Variants in NR1H4 observed in about 807,000 individuals in gnomAD.
NR1H4 encodes bile acid receptor.
Under a neutral mutation model 58.5 loss-of-function variants are expected in NR1H4, and 23 were observed. The observed-to-expected ratio is 0.39, with a 90% confidence interval of 0.28 to 0.56. The LOEUF is 0.56. Ranked by LOEUF, NR1H4 falls within the 20% of genes least tolerant of loss-of-function variation. The pLI, the probability that NR1H4 is intolerant of heterozygous loss-of-function variation, is 0.58. For missense variants in NR1H4, 487 were observed against 576.9 expected (o/e 0.84, Z 1.60); for synonymous variants, 214 against 198.0 (o/e 1.08, Z -0.68).
intron 9 of NR1H4, among the ~76,000 whole-genome samples, chr12:100,541,880 A>G (rs1020758049): frequency 2.0e-5 from 3 of 151,818 alleles, no homozygotes; most frequent in Admixed American, 2.0e-4. Flanking sequence ...TAAAGGCATG[A>G]GCCACCACAC....
At chr12:100,511,760 A>G (rs1271326061) in intron 4 of NR1H4, among the ~76,000 whole-genome samples, 1 of 151,958 alleles carries the variant, frequency 6.6e-6, no homozygotes, top group Non-Finnish European at 1.5e-5. Context: ...CGTCTCTACT[A>G]AAAATACAAA....
At chr12:100,548,855 C>T (rs1460955191) in intron 9 of NR1H4, among the ~76,000 whole-genome samples, 1 of 152,074 alleles carries the variant, frequency 6.6e-6, no homozygotes, top group Non-Finnish European at 1.5e-5. Flanking sequence ...ATAAAGAGTG[C>T]TTAAACAAGA....
intron 9 of NR1H4, among the ~76,000 whole-genome samples, chr12:100,559,285 T>C (rs1411317573): frequency 6.6e-6 from 1 of 152,186 alleles, no homozygotes; most frequent in Admixed American, 6.5e-5. Flanking sequence ...TGGCAGCACT[T>C]GAGGAGCCCT....
chr12:100,536,697 T>A, intron 7 of NR1H4, 87 bp downstream of exon 7: 2 of 788,286 alleles, frequency 2.5e-6, no homozygotes, highest in Non-Finnish European at 4.4e-6. Flanking sequence ...TATATGTGAA[T>A]ATGTTACTTT....
chr12:100,481,082 G>A (rs1953369748), intron 1 of NR1H4, among the ~76,000 whole-genome samples: 1 of 152,124 alleles, frequency 6.6e-6, no homozygotes, highest in Non-Finnish European at 1.5e-5. Flanking sequence ...ACATTCTGTT[G>A]GTCAACGAAT....
At chr12:100,561,423 TAAAG>T (rs1258157966) in intron 9 of NR1H4, among the ~76,000 whole-genome samples, 3 of 151,636 alleles carry the variant, frequency 2.0e-5, no homozygotes, top group Admixed American at 2.0e-4. Context: ...AATAAATAAA[TAAAG>T]AACCCTGGCC....
chr12:100,538,831 C>T (rs921349010), intron 8 of NR1H4, among the ~76,000 whole-genome samples: 6 of 152,144 alleles, frequency 3.9e-5, no homozygotes, highest in Non-Finnish European at 8.8e-5. Flanking sequence ...AGAAATTTCT[C>T]ACTATCATTG....
intron 1 of NR1H4, among the ~76,000 whole-genome samples, chr12:100,488,082 C>A (rs1006222341): frequency 3.9e-5 from 6 of 152,100 alleles, no homozygotes; most frequent in African/African-American, 1.4e-4. Flanking sequence ...GTCACTGCAA[C>A]TTCTGCCTCC....
Position 100,506,042 on chromosome 12 carries a change from C to CACAG in NR1H4, c.80-4735_80-4734insCAGA, listed in dbSNP as rs1491443606. The stretch of plus-strand genomic sequence containing the variant: ...ACACACACACACACACACACACACA[C>CACAG]AGAGAGAGAGAGAGAACATGAGCAT... On this transcript the variant is annotated intron_variant, in intron 3 of 10. Coordinates refer to ENST00000392986, the MANE Select transcript of NR1H4 (RefSeq NM_001206979.2). Among the ~76,000 whole-genome samples, 824 of 117,430 alleles carry CACAG rather than the reference C, an allele frequency of 7.0e-3. 7 individuals are homozygous for CACAG. The highest frequency in any genetic ancestry group is 0.024 in the African/African-American group (678 of 28,548). 77.0% of individuals were successfully genotyped at this position (117,430 alleles called of 152,430 possible).
rs113431969 is a variant in NR1H4, at chr12:100,510,967, G to A, written c.269G>A (p.Arg90His). The part of the protein sequence containing the change: ...WYSPGIYELR[R>H]MPAETLYQGE... Reference sequence around the variant, plus strand: ...TCTCCTGGAATATATGAACTCAGGCGTATGCCAGCTGAGACTCTCTACCAG... The same window carrying A: ...TCTCCTGGAATATATGAACTCAGGCATATGCCAGCTGAGACTCTCTACCAG... Residue 90 changes from arginine (R) to histidine (H), a missense_variant, in exon 4 of 11, where the codon CGT (arginine) becomes CAT (histidine). Transcript: ENST00000392986. 41 of 1,614,084 alleles carry A rather than the reference G, an allele frequency of 2.5e-5. 1 individual carries two copies. The highest frequency in any genetic ancestry group is 4.5e-5 in the East Asian group (2 of 44,898).
chr12:100,496,425 G>A (rs1011289434), intron 3 of NR1H4, among the ~76,000 whole-genome samples: 9 of 152,004 alleles, frequency 5.9e-5, no homozygotes, highest in African/African-American at 7.3e-5. Context: ...AGAACATTCC[G>A]GGAGGAGACA....
At chr12:100,553,362 G>C (rs536685779) in intron 9 of NR1H4, among the ~76,000 whole-genome samples, 1 of 152,282 alleles carries the variant, frequency 6.6e-6, no homozygotes, top group Admixed American at 6.5e-5. Context: ...GATATGAATT[G>C]TGATAAGTTG....
At position 100,485,697 on chromosome 12, in the gene NR1H4, TA is replaced by T. The variant is rs1330023057; in HGVS notation, c.-189-6804del. On this transcript the variant is annotated intron_variant, in intron 1 of 10. Coordinates refer to ENST00000392986, the MANE Select transcript of NR1H4 (RefSeq NM_001206979.2). ...ACAGGCATGTGTCACCACCCCCGGC[TA>T]ATTTTTTGTATTTGTAGTAGAGAAG... Among the ~76,000 whole-genome samples the T allele has an allele frequency of 7.2e-5, 11 of 152,054 alleles. No individual in the cohort carries two copies. In the South Asian group the frequency reaches 2.3e-3, roughly 32 times the overall value.
At chr12:100,503,652 A>AT (rs1410696592) in intron 3 of NR1H4, among the ~76,000 whole-genome samples, 18 of 152,150 alleles carry the variant, frequency 1.2e-4, no homozygotes, top group Non-Finnish European at 2.6e-4. Context: ...GGTTGGGGTG[A>AT]TTTTTATAGG....
chr12:100,546,824 T>C (rs746046540), intron 9 of NR1H4, among the ~76,000 whole-genome samples: 5 of 152,130 alleles, frequency 3.3e-5, no homozygotes, highest in Admixed American at 6.5e-5. Context: ...TGGCTTAGAG[T>C]TCGTGGTTCA....
intron 4 of NR1H4, among the ~76,000 whole-genome samples, chr12:100,531,320 G>C (rs1011883460): frequency 6.6e-6 from 1 of 152,138 alleles, no homozygotes; most frequent in Non-Finnish European, 1.5e-5. Context: ...GTCGGCCGCG[G>C]TGGGCGGCGC....
chr12:100,496,256 G>A (rs1953712848), intron 3 of NR1H4, among the ~76,000 whole-genome samples: 1 of 152,084 alleles, frequency 6.6e-6, no homozygotes, highest in Admixed American at 6.6e-5. Flanking sequence ...TACCTTATTT[G>A]GACCTACAGA....
rs139809053 is a variant in NR1H4 at position 100,509,915 on chromosome 12, GCACACA to G, written c.80-842_80-837del. On this transcript the variant is annotated intron_variant, in intron 3 of 10. Transcript: ENST00000392986. ...TGTCTTTGCACGTGGGCACGTGCGC[GCACACA>G]CACACACACACACACACACAGAGTT... 2.0e-4 allele frequency among the ~76,000 whole-genome samples: 26 copies of G among 131,690 alleles called. No homozygotes were observed. The South Asian group carries it at 3.1e-3, about 16-fold the overall frequency. The allele number at this position is 131,690 out of a possible 152,430, so 86.4% of individuals were successfully genotyped here. A position where few individuals can be genotyped will look rare whatever the true frequency, so the allele number is the denominator to read the frequency against.
At chr12:100,515,070 C>G (rs1954226596) in intron 4 of NR1H4, among the ~76,000 whole-genome samples, 1 of 151,404 alleles carries the variant, frequency 6.6e-6, no homozygotes, top group African/African-American at 2.4e-5. Context: ...AGAATTGATT[C>G]AACCAAACCT....
Sources: gnomAD v4.1 joint callset for allele counts (sites outside exome capture counted in the v4.1 genomes callset) on GRCh38, gnomAD v4.1.1 for gene constraint, MANE v1.5 for transcripts, NCBI Gene and HGNC (gene_info 2026-07-23, HGNC 2026-07-21) for gene names.